The following SLC38A11 variants were observed in gnomAD, a reference collection of about 807,000 sequenced individuals.
SLC38A11 encodes solute carrier family 38 member 11, also known as putative sodium-coupled neutral amino acid transporter 11.
Under a neutral mutation model 49.4 loss-of-function variants are expected in SLC38A11, and 51 were observed. The ratio of observed to expected loss-of-function variants is 1.03; its 90% CI spans 0.83 to 1.30. The LOEUF (loss-of-function observed/expected upper bound fraction) is 1.30. SLC38A11 is among the 50% of genes most tolerant of loss of function. The pLI is 0.00. For missense variants in SLC38A11, 574 were observed against 556.2 expected (o/e 1.03, Z -0.32); for synonymous variants, 203 against 192.9 (o/e 1.05, Z -0.43).
chr2:164,924,932 G>C (rs1686462929), intron 7 of SLC38A11, among the ~76,000 whole-genome samples: 1 of 152,000 alleles, frequency 6.6e-6, no homozygotes, highest in South Asian at 2.1e-4. Flanking sequence ...CTAATTTTTT[G>C]TATTTTTAGT....
At chr2:164,919,529 G>T (rs951012962) in intron 7 of SLC38A11, among the ~76,000 whole-genome samples, 2 of 152,170 alleles carry the variant, frequency 1.3e-5, no homozygotes, top group East Asian at 1.9e-4. Flanking sequence ...AGATGACATT[G>T]GTCATGCATA....
intron 5 of SLC38A11, among the ~76,000 whole-genome samples, chr2:164,942,246 C>A (rs777065801): frequency 1.3e-5 from 2 of 151,782 alleles, no homozygotes; most frequent in South Asian, 2.1e-4. Context: ...CTCAGGAGTT[C>A]GAGACAAGCC....
chr2:164,940,228 T>A (rs1447366479), intron 5 of SLC38A11, among the ~76,000 whole-genome samples: 1 of 142,228 alleles, frequency 7.0e-6, no homozygotes, highest in African/African-American at 2.6e-5. Flanking sequence ...ATAGAAAATT[T>A]TATATATATA....
In SLC38A11 at chr2:164,896,924, C is replaced by A. The variant is rs574327474; in HGVS notation, c.*1513G>T. The A allele has an allele frequency of 6.6e-6, 1 of 151,992 alleles. No individual in the cohort carries two copies. The highest frequency in any genetic ancestry group is 2.4e-5 in the African/African-American group (1 of 41,490). 9.4% of individuals were successfully genotyped at this position (151,992 alleles called of 1,614,324 possible). A position where few individuals can be genotyped will look rare whatever the true frequency, so the allele number is the denominator to read the frequency against. On this transcript the variant is annotated 3_prime_UTR_variant, in exon 12 of 12. Coordinates refer to ENST00000685975, the MANE Select transcript of SLC38A11 (RefSeq NM_001351537.2). ...GATTTCTTTTTGCATTTGATTTGTACAAACTCATCATATATGTATTAACTC... is the reference window on the plus strand; with the variant it reads ...GATTTCTTTTTGCATTTGATTTGTAAAAACTCATCATATATGTATTAACTC...
chr2:164,945,803 C>A, intron 3 of SLC38A11, 76 bp from the exon 4 acceptor site: 2 of 1,495,704 alleles, frequency 1.3e-6, no homozygotes, highest in South Asian at 2.5e-5. Context: ...TAATTACCAT[C>A]GAGAAAAGGG....
chr2:164,950,969 C>A (rs1424202646), intron 3 of SLC38A11, among the ~76,000 whole-genome samples: 1 of 151,884 alleles, frequency 6.6e-6, no homozygotes, highest in African/African-American at 2.4e-5. Flanking sequence ...TGTGGTCATC[C>A]TTTATTTATC....
At chr2:164,907,277 T>C (rs949351338) in intron 11 of SLC38A11, among the ~76,000 whole-genome samples, 4 of 141,742 alleles carry the variant, frequency 2.8e-5, no homozygotes, top group African/African-American at 1.0e-4. Flanking sequence ...TCTCTTTTTT[T>C]TTTTTTTTTT....
In SLC38A11 at chr2:164,898,572, T is replaced by C; in HGVS notation, c.1254A>G (p.Thr418=). The C allele has an allele frequency of 6.2e-7, 1 of 1,613,652 alleles. No individual in the cohort carries two copies. Among genetic ancestry groups the C allele is most frequent in the Non-Finnish European group, 8.5e-7 (1 of 1,179,752 alleles). Residue 418 remains threonine, a synonymous_variant, in exon 12 of 12, where the codon ACA becomes ACG. Transcript: ENST00000685975. ...GCCCATGGGTGCAGTCTTGAGTATTTGTAATAGCCATGACGAATCCAAAAA... is the reference window on the plus strand; with the variant it reads ...GCCCATGGGTGCAGTCTTGAGTATTCGTAATAGCCATGACGAATCCAAAAA... ...VMVFGFVMAI[T]NTQDCTHGQE...
chr2:164,916,030 A>G (rs1685760592), intron 7 of SLC38A11, 57 bp from the exon 8 acceptor site: 4 of 1,197,336 alleles, frequency 3.3e-6, no homozygotes, highest in Non-Finnish European at 4.9e-6. Flanking sequence ...GCATCAGTAT[A>G]TCAGATAACA....
At chr2:164,942,029 A>C (rs1416597920) in intron 5 of SLC38A11, among the ~76,000 whole-genome samples, 4 of 152,168 alleles carry the variant, frequency 2.6e-5, no homozygotes, top group African/African-American at 9.7e-5. Flanking sequence ...AGAGATTATT[A>C]GTATTTTCTG....
chr2:164,908,572 G>A, intron 11 of SLC38A11, 68 bp downstream of exon 11: 1 of 1,360,402 alleles, frequency 7.4e-7, no homozygotes, highest in Non-Finnish European at 9.8e-7. Context: ...TACATCTTAT[G>A]TTAAATGTAA....
chr2:164,949,898 C>T (rs1446225813), intron 3 of SLC38A11: 1 of 152,158 alleles, frequency 6.6e-6, no homozygotes, highest in Admixed American at 6.5e-5. Context: ...AATTTAAATG[C>T]AATATTTTGT....
intron 9 of SLC38A11, 138 bp from the exon 10 acceptor site, chr2:164,911,886 T>C: frequency 2.0e-6 from 1 of 509,218 alleles, no homozygotes; most frequent in South Asian, 3.3e-5. Flanking sequence ...GTATTTTTAC[T>C]ATATATTTTT....
In SLC38A11 at chr2:164,955,398, C is replaced by T; in HGVS notation, c.-151G>A. ...CAGTTCCACGGGCGCCCCCTGCTCCCTCGGCAGGCCGCGAGGGCTGCAGCC... is the reference window on the plus strand; with the variant it reads ...CAGTTCCACGGGCGCCCCCTGCTCCTTCGGCAGGCCGCGAGGGCTGCAGCC... On this transcript the variant is annotated 5_prime_UTR_variant, in exon 1 of 12. Transcript: ENST00000685975. 4.4e-6 allele frequency: 3 copies of T among 687,934 alleles called. No individual in the cohort carries two copies. Among genetic ancestry groups the T allele is most frequent in the South Asian group, 3.7e-5 (2 of 54,654 alleles). 42.6% of individuals were successfully genotyped at this position (687,934 alleles called of 1,614,324 possible). A position where few individuals can be genotyped will look rare whatever the true frequency, so the allele number is the denominator to read the frequency against.
At chr2:164,932,824 C>T (rs1309515601) in intron 7 of SLC38A11, among the ~76,000 whole-genome samples, 1 of 152,008 alleles carries the variant, frequency 6.6e-6, no homozygotes, top group Non-Finnish European at 1.5e-5. Context: ...ATCGGTACAA[C>T]AAACTCCCAT....
chr2:164,915,887 G>A lies in SLC38A11; in HGVS notation c.688+16C>T. 6.9e-6 allele frequency: 11 copies of A among 1,584,566 alleles called. No individual in the cohort carries two copies. Among genetic ancestry groups the A allele is most frequent in the Non-Finnish European group, 9.5e-6 (11 of 1,158,406 alleles). On this transcript the variant is annotated intron_variant, in intron 8 of 11. Transcript: ENST00000685975. ...AACTCCACATTGAGAAAGGGCCTTT[G>A]AAACCAAATACTCACCAAAAGACAT...
rs750689968 is a variant in SLC38A11 at position 164,945,654 on chromosome 2, T to G, written c.303A>C (p.Lys101Asn). 3 of 1,612,104 alleles carry G rather than the reference T, an allele frequency of 1.9e-6. No individual in the cohort carries two copies. The highest frequency in any genetic ancestry group is 2.5e-6 in the Non-Finnish European group (3 of 1,179,608). ...GTDTYQSLVN[K>N]TFGFPGYLLL... ...GCAGATACCCTGGAAAGCCGAAAGTTTTATTGACCAAAGACTGGTAGGTAT... is the reference window on the plus strand; with the variant it reads ...GCAGATACCCTGGAAAGCCGAAAGTGTTATTGACCAAAGACTGGTAGGTAT... The change falls in exon 4 of 12, where the codon AAA (lysine) becomes AAC (asparagine). Residue 101 changes from lysine to asparagine, a missense_variant. Coordinates refer to ENST00000685975, the MANE Select transcript of SLC38A11 (RefSeq NM_001351537.2).
chr2:164,912,602 T>C (rs1685478535), intron 9 of SLC38A11, among the ~76,000 whole-genome samples: 1 of 152,118 alleles, frequency 6.6e-6, no homozygotes, highest in Non-Finnish European at 1.5e-5. Flanking sequence ...CATCCCAACC[T>C]TGGGGCCACA....
At chr2:164,945,191 C>T (rs916160118) in intron 4 of SLC38A11, among the ~76,000 whole-genome samples, 2 of 151,314 alleles carry the variant, frequency 1.3e-5, no homozygotes, top group Non-Finnish European at 2.9e-5. Context: ...GTGACATTCT[C>T]ACCATTATGG....
Sources: gnomAD v4.1 joint callset for allele counts (sites outside exome capture counted in the v4.1 genomes callset) on GRCh38, gnomAD v4.1.1 for gene constraint, MANE v1.5 for transcripts, NCBI Gene and HGNC (gene_info 2026-07-23, HGNC 2026-07-21) for gene names.